The following NFASC variants were observed in gnomAD, a reference collection of about 807,000 sequenced individuals.
The protein encoded by NFASC is neurofascin homolog.
NFASC carries 43 observed loss-of-function variants against 147.5 expected under a neutral mutation model. The ratio of observed to expected loss-of-function variants is 0.29; its 90% CI spans 0.23 to 0.38. NFASC has a LOEUF of 0.38. Ranked by LOEUF, NFASC falls within the 10% of genes least tolerant of loss-of-function variation. The pLI is 1.00. For missense variants in NFASC, 1,320 were observed against 1,689.0 expected, an observed-to-expected ratio of 0.78 and a Z score of 3.83; for synonymous variants, 622 against 665.5, an observed-to-expected ratio of 0.93 and a Z score of 1.01.
In NFASC at chr1:205,019,919, C is replaced by G. The variant is rs376752833; in HGVS notation, c.*3380C>G. ...GGCACGGGCTCCCCTGAAGGATTGT[C>G]GAGGCCAGGGTTCGGGAAGTACACT... On this transcript the variant is annotated 3_prime_UTR_variant, in exon 30 of 30. Coordinates refer to ENST00000339876, the MANE Select transcript of NFASC (RefSeq NM_001005388.3). 1 of 152,242 alleles carries G rather than the reference C, an allele frequency of 6.6e-6. No individual in the cohort carries two copies. Among genetic ancestry groups the G allele is most frequent in the Non-Finnish European group, 1.5e-5 (1 of 68,056 alleles). 9.4% of individuals were successfully genotyped at this position (152,242 alleles called of 1,614,324 possible).
intron 1 of NFASC, among the ~76,000 whole-genome samples, chr1:204,877,123 TA>T (rs2079180511): frequency 7.1e-6 from 1 of 141,658 alleles, no homozygotes; most frequent in South Asian, 2.1e-4. Flanking sequence ...TATTAAATGT[TA>T]AAATATTAAA....
At chr1:204,965,080 C>T (rs1253082187) in intron 8 of NFASC, among the ~76,000 whole-genome samples, 2 of 152,118 alleles carry the variant, frequency 1.3e-5, no homozygotes, top group Non-Finnish European at 2.9e-5. Flanking sequence ...AATGAGCTGG[C>T]GAGGGAAGCT....
chr1:204,977,944 G>A (rs528615738), intron 17 of NFASC, among the ~76,000 whole-genome samples: 8 of 152,244 alleles, frequency 5.3e-5, no homozygotes, highest in African/African-American at 1.7e-4. Context: ...GGAAGTTCTC[G>A]GCTGCTGTTT....
Position 204,975,888 on chromosome 1 carries a change from G to A in NFASC, c.1706+470G>A, listed in dbSNP as rs764787672. 1.7e-4 allele frequency among the ~76,000 whole-genome samples: 26 copies of A among 152,154 alleles called. No homozygotes were observed. Among genetic ancestry groups the A allele is most frequent in the Non-Finnish European group, 1.8e-4 (12 of 67,996 alleles). ...CCTGGCATGCTTTTACCACACCCAC[G>A]CCTGCCCCGCTCCTCAGACCCTGAT... On this transcript the variant is annotated intron_variant, in intron 15 of 29. Transcript: ENST00000339876. The surrounding 1 kb of genome is among the most constrained non-coding windows in gnomAD (Gnocchi z 4.0).
intron 1 of NFASC, chr1:204,871,144 A>G (rs968902393): frequency 8.0e-7 from 1 of 1,245,730 alleles, no homozygotes; most frequent in Non-Finnish European, 1.1e-6. Flanking sequence ...GCCTTCAAAG[A>G]CTCTGAAGCG....
chr1:204,885,115 C>CT lies in NFASC; in HGVS notation c.-199-35508dup, dbSNP rs1015534151. On this transcript the variant is annotated intron_variant, in intron 1 of 29. Transcript: ENST00000339876. The stretch of plus-strand genomic sequence containing the variant: ...TTGGGCAACATAATGAGACCCCCAT[C>CT]TTTTTTTTTAATATGTAAAATAAAA... 6.8e-4 allele frequency among the ~76,000 whole-genome samples: 103 copies of CT among 151,186 alleles called. 1 individual carries two copies. The highest frequency in any genetic ancestry group is 2.1e-3 in the Admixed American group (32 of 15,162).
At chr1:204,993,932 G>A (rs975965868) in intron 24 of NFASC, among the ~76,000 whole-genome samples, 1 of 152,108 alleles carries the variant, frequency 6.6e-6, no homozygotes, top group African/African-American at 2.4e-5. Context: ...TCCTCCTCTC[G>A]TTCCCACCTG....
intron 1 of NFASC, among the ~76,000 whole-genome samples, chr1:204,848,658 T>C (rs1041342461): frequency 2.0e-5 from 3 of 152,244 alleles, no homozygotes; most frequent in African/African-American, 7.2e-5. Context: ...CCCCAGTTGC[T>C]TGGGAATAGC....
rs755173181 is a variant in NFASC at position 205,012,834 on chromosome 1, C to A, written c.3459C>A (p.Asp1153Glu). 6.8e-6 allele frequency: 11 copies of A among 1,613,632 alleles called. No individual in the cohort carries two copies. The South Asian group carries it at 1.2e-4, about 18-fold the overall frequency. Residue 1153 changes from aspartate (D) to glutamate (E), a missense_variant, in exon 29 of 30, where the codon GAC becomes GAA. Around this residue, in one of 3 missense-constraint regions of NFASC, gnomAD observed 167 missense variants for 233.8 expected, o/e 0.71. Coordinates refer to ENST00000339876, the MANE Select transcript of NFASC (RefSeq NM_001005388.3). ...AGGATGTTCCCCTTGGCCCTGAAGA[C>A]CCCAAGGAAGAGGATGGCTCATTTG... ...EKKDVPLGPEDPKEEDGSFDY... is the reference protein window; with the variant it reads ...EKKDVPLGPEEPKEEDGSFDY...
Position 204,944,289 on chromosome 1 carries a change from A to G in NFASC, c.-27A>G. ...GGTGACAAGACCCCGAGTGCTGGGG[A>G]GCAGGGAGCAGGGCCAGGTGCCGAG... On this transcript the variant is annotated 5_prime_UTR_variant, in exon 3 of 30. Transcript: ENST00000339876. 6.2e-7 allele frequency: 1 copy of G among 1,610,102 alleles called. No individual in the cohort carries two copies. The highest frequency in any genetic ancestry group is 2.2e-5 in the East Asian group (1 of 44,718).
intron 25 of NFASC, chr1:204,999,978 C>T (rs1192862215): frequency 6.6e-6 from 1 of 152,138 alleles, no homozygotes; most frequent in Non-Finnish European, 1.5e-5. Flanking sequence ...AATGGGGTAA[C>T]CAGACTGCTG....
intron 1 of NFASC, among the ~76,000 whole-genome samples, chr1:204,841,119 G>A (rs1211644906): frequency 2.0e-5 from 3 of 152,178 alleles, no homozygotes; most frequent in African/African-American, 7.2e-5. Context: ...AGAATAACAA[G>A]AAGGCTATGG....
intron 1 of NFASC, among the ~76,000 whole-genome samples, chr1:204,907,282 A>T (rs1263240960): frequency 6.6e-6 from 1 of 151,952 alleles, no homozygotes. Context: ...GTTTAGCAAA[A>T]TGATCTTTTG....
At chr1:204,856,566 G>T (rs1018743843) in intron 1 of NFASC, among the ~76,000 whole-genome samples, 2 of 152,164 alleles carry the variant, frequency 1.3e-5, no homozygotes, top group African/African-American at 4.8e-5. Flanking sequence ...ACGATTCAGT[G>T]ACATTTAGCA....
intron 2 of NFASC, among the ~76,000 whole-genome samples, chr1:204,937,636 T>G (rs1462548082): frequency 1.3e-5 from 2 of 152,208 alleles, no homozygotes; most frequent in African/African-American, 4.8e-5. Context: ...AGCTCACTTC[T>G]TTTGGGCACT....
chr1:204,829,564 G>A (rs1013839546), intron 1 of NFASC, among the ~76,000 whole-genome samples: 3 of 152,140 alleles, frequency 2.0e-5, no homozygotes, highest in African/African-American at 7.2e-5. Flanking sequence ...TTGTGGCTTG[G>A]GGAAGAATGC....
Position 205,010,017 on chromosome 1 carries a change from T to TCAG in NFASC, c.3421+331_3421+332insGCA. 1 of 284,870 alleles carries TCAG rather than the reference T, an allele frequency of 3.5e-6. No individual in the cohort carries two copies. Among genetic ancestry groups the TCAG allele is most frequent in the South Asian group, 5.5e-5 (1 of 18,056 alleles). The allele number at this position is 284,870 out of a possible 1,614,324, so 17.6% of individuals were successfully genotyped here. A position where few individuals can be genotyped will look rare whatever the true frequency, so the allele number is the denominator to read the frequency against. On this transcript the variant is annotated intron_variant, in intron 28 of 29. Coordinates refer to ENST00000339876, the MANE Select transcript of NFASC (RefSeq NM_001005388.3). The surrounding 1 kb of genome is among the most constrained non-coding windows in gnomAD (Gnocchi z 4.1). Reference sequence around the variant, plus strand: ...AATTGGCTTTTTTTCAGCCTGAATCTCATTAGGATCCTGTGTCCCAGGGAA... The same window carrying TCAG: ...AATTGGCTTTTTTTCAGCCTGAATCTCAGCATTAGGATCCTGTGTCCCAGGGAA...
At chr1:204,930,650 G>A (rs79644588) in intron 2 of NFASC, among the ~76,000 whole-genome samples, 5,618 of 152,278 alleles carry the variant, frequency 0.037, 139 homozygotes, top group Middle Eastern at 0.085. Context: ...AGAGCATGGG[G>A]CATGCTAGGA....
At position 204,923,709 on chromosome 1, in the gene NFASC, TCAGGCCCCTGAGG is replaced by T. The variant is rs374062021; in HGVS notation, c.-91+2975_-91+2987del. Reference sequence around the variant, plus strand: ...CCCACCTGCTGCCCCCAAACCGATTTCAGGCCCCTGAGGCAGGCACCTGAGGCAGCCCCCATGC... The same window carrying T: ...CCCACCTGCTGCCCCCAAACCGATTTCAGGCACCTGAGGCAGCCCCCATGC... On this transcript the variant is annotated intron_variant, in intron 2 of 29. Transcript: ENST00000339876. Among the ~76,000 whole-genome samples, 151 of 152,168 alleles carry T rather than the reference TCAGGCCCCTGAGG, an allele frequency of 9.9e-4. 1 individual carries two copies. The highest frequency in any genetic ancestry group is 3.5e-3 in the African/African-American group (146 of 41,514).
Sources: allele counts gnomAD v4.1 joint callset (sites outside exome capture counted in the v4.1 genomes callset), GRCh38; gene constraint gnomAD v4.1.1; regional missense constraint gnomAD v4.1.1; non-coding constraint Gnocchi (gnomAD v3.1); transcripts MANE v1.5; gene names NCBI Gene and HGNC (gene_info 2026-07-23, HGNC 2026-07-21).